Variants in DNASE1 observed in about 807,000 individuals in gnomAD.
DNASE1 encodes deoxyribonuclease 1.
Under a neutral mutation model 33.9 loss-of-function variants are expected in DNASE1, and 40 were observed. The ratio of observed to expected loss-of-function variants is 1.18; its 90% CI spans 0.92 to 1.54. The LOEUF (loss-of-function observed/expected upper bound fraction) is 1.54, where lower values mean the gene tolerates loss of function less well. Among genes scored for constraint, DNASE1 ranks in the 40% most tolerant of loss-of-function variants. DNASE1 has a pLI of 0.00. For synonymous variants in DNASE1, 216 were observed against 160.0 expected (o/e 1.35, Z -2.64); for missense variants, 518 against 372.6 (o/e 1.39, Z -3.21).
At chr16:3,662,680 G>A (rs972513736), downstream of DNASE1, 1 of 695,318 alleles carries the variant, frequency 1.4e-6, no homozygotes, top group Non-Finnish European at 2.6e-6. Flanking sequence ...GCAGGGCTGG[G>A]AGAAAGACAC....
chr16:3,612,166 C>T (rs1410623200), intron 1 of DNASE1, among the ~76,000 whole-genome samples: 1 of 152,166 alleles, frequency 6.6e-6, no homozygotes. Context: ...CAGAGGTTTG[C>T]CATGGCTTGG....
chr16:3,664,382 G>T, exon 10 of DNASE1: 1 of 1,612,742 alleles, frequency 6.2e-7, no homozygotes. Context: ...GCATGCGGCT[G>T]GCGTATTCTG....
chr16:3,640,972 A>T (rs2042009615), upstream of DNASE1: 1 of 398,428 alleles, frequency 2.5e-6, no homozygotes, highest in African/African-American at 2.1e-5. Context: ...GACTTTGGAC[A>T]GTGGGGAGCA....
chr16:3,616,286 T>G (rs941632165), intron 1 of DNASE1, among the ~76,000 whole-genome samples: 2 of 152,130 alleles, frequency 1.3e-5, no homozygotes, highest in Non-Finnish European at 2.9e-5. Context: ...CCCAACAACG[T>G]TTTAATTTTT....
chr16:3,652,590 G>T (rs2042371757), upstream of DNASE1: 1 of 152,286 alleles, frequency 6.6e-6, no homozygotes, highest in South Asian at 2.1e-4. Flanking sequence ...GAGGAGTGGT[G>T]GTGTTTCCAT....
downstream of DNASE1, chr16:3,658,268 G>A (rs745826740): frequency 1.5e-5 from 23 of 1,510,008 alleles, no homozygotes; most frequent in Non-Finnish European, 2.0e-5. Context: ...TGAGGGGCAT[G>A]GGGCACCTTT....
chr16:3,659,493 G>A (rs2042939031), downstream of DNASE1: 1 of 152,124 alleles, frequency 6.6e-6, no homozygotes, highest in South Asian at 2.1e-4. Context: ...AAACCAAAAA[G>A]TAAAGAATGA....
intron 1 of DNASE1, among the ~76,000 whole-genome samples, chr16:3,645,853 A>G (rs1290336108): frequency 6.6e-6 from 1 of 152,240 alleles, no homozygotes; most frequent in Admixed American, 6.5e-5. Flanking sequence ...GCTGGGGCGC[A>G]GACCAAGGGC....
At chr16:3,648,348 G>T (rs188247865) in intron 1 of DNASE1, among the ~76,000 whole-genome samples, 1 of 152,290 alleles carries the variant, frequency 6.6e-6, no homozygotes, top group East Asian at 1.9e-4. Context: ...GGAACACAAG[G>T]TCAGGAGATC....
chr16:3,628,361 T>C (rs1300327789), intron 1 of DNASE1, among the ~76,000 whole-genome samples: 1 of 152,182 alleles, frequency 6.6e-6, no homozygotes, highest in Non-Finnish European at 1.5e-5. Flanking sequence ...GTTTTTTACA[T>C]ATCATATTAA....
exon 10 of DNASE1, chr16:3,663,882 G>T (rs1238277580): frequency 1.4e-5 from 5 of 369,158 alleles, no homozygotes; most frequent in African/African-American, 1.0e-4. Flanking sequence ...GACCAACATG[G>T]TGAAATGCCG....
chr16:3,662,821 G>C (rs1016770223), downstream of DNASE1: 11 of 1,547,026 alleles, frequency 7.1e-6, no homozygotes, highest in African/African-American at 1.1e-4. Context: ...GGAGCCACCA[G>C]CTGGCCAGCC....
At chr16:3,657,842 C>T (rs112932686) in intron 8 of DNASE1, 26 bp downstream of exon 8, 107 of 1,614,036 alleles carry the variant, frequency 6.6e-5, no homozygotes, top group Non-Finnish European at 8.6e-5. Flanking sequence ...TGCACAGCCA[C>T]ATGAGGATGG....
intron 1 of DNASE1, among the ~76,000 whole-genome samples, chr16:3,647,262 A>ATT (rs537295148): frequency 8.4e-4 from 109 of 130,224 alleles, no homozygotes; most frequent in African/African-American, 1.6e-3. Flanking sequence ...TAATCATGGG[A>ATT]TTTTTTTTTT....
exon 10 of DNASE1, chr16:3,663,520 G>A: frequency 2.5e-6 from 4 of 1,614,120 alleles, no homozygotes; most frequent in Non-Finnish European, 3.4e-6. Flanking sequence ...TCACGAAGGT[G>A]CAGCAGGGTG....
intron 1 of DNASE1, among the ~76,000 whole-genome samples, chr16:3,628,927 T>A (rs1266033531): frequency 6.8e-6 from 1 of 147,988 alleles, no homozygotes; most frequent in Non-Finnish European, 1.5e-5. Context: ...ATCCCAGCAC[T>A]TTGGGAAGCC....
chr16:3,654,907 G>T lies in DNASE1; in HGVS notation c.-139G>T. 1 of 447,696 alleles carries T rather than the reference G, an allele frequency of 2.2e-6. No homozygotes were observed. Among genetic ancestry groups the T allele is most frequent in the South Asian group, 7.0e-5 (1 of 14,322 alleles). 27.7% of individuals were successfully genotyped at this position (447,696 alleles called of 1,614,324 possible). ...AGCCCAGCAGCACTGCCAGGGCCTTGAAGTGCTTCTTCAGAGACCTTTCTT... is the reference window on the plus strand; with the variant it reads ...AGCCCAGCAGCACTGCCAGGGCCTTTAAGTGCTTCTTCAGAGACCTTTCTT... On this transcript the variant is annotated 5_prime_UTR_variant, in exon 1 of 9. Transcript: ENST00000246949.
exon 10 of DNASE1, chr16:3,664,120 G>A (rs114728738): frequency 4.6e-5 from 35 of 767,500 alleles, no homozygotes; most frequent in Middle Eastern, 3.9e-4. Context: ...GGAAACAGCC[G>A]TCACAGTCGG....
In DNASE1 at chr16:3,655,893, C is replaced by T. The variant is rs772395988; in HGVS notation, c.192C>T (p.Asp64=). 1.9e-6 allele frequency: 3 copies of T among 1,614,038 alleles called. No homozygotes were observed. The highest frequency in any genetic ancestry group is 1.3e-5 in the African/African-American group (1 of 75,048). The change falls in exon 3 of 9, where the codon GAC becomes GAT. Residue 64 remains aspartate, a synonymous_variant. Coordinates refer to ENST00000246949, the MANE Select transcript of DNASE1 (RefSeq NM_005223.4). ...YDIALVQEVR[D]SHLTAVGKLL... is the part of the protein sequence containing the mutation. ...TCGCCCTGGTCCAGGAGGTCAGAGA[C>T]AGCCACCTGACTGCCGTGGGGAAGC...
Sources: allele counts gnomAD v4.1 joint callset (sites outside exome capture counted in the v4.1 genomes callset), GRCh38; gene constraint gnomAD v4.1.1; transcripts MANE v1.5; gene names NCBI Gene and HGNC (gene_info 2026-07-23, HGNC 2026-07-21).